The following NFIB variants were observed in gnomAD, a reference collection of about 807,000 sequenced individuals.
NFIB encodes the protein nuclear factor I B, also known as nuclear factor 1 B-type.
Under a neutral mutation model 61.5 loss-of-function variants are expected in NFIB, and 11 were observed. The ratio of observed to expected loss-of-function variants is 0.18; its 90% confidence interval spans 0.11 to 0.30. NFIB has a LOEUF of 0.30. Ranked by LOEUF, NFIB falls within the 10% of genes least tolerant of loss-of-function variation. NFIB has a pLI of 1.00. For missense variants in NFIB, 471 were observed against 608.9 expected (o/e 0.77, Z 2.38); for synonymous variants, 260 against 216.5 (o/e 1.20, Z -1.76).
Position 14,086,378 on chromosome 9 carries a change from C to T in NFIB, c.*1931G>A, listed in dbSNP as rs2032868011. 1 of 216,762 alleles carries T rather than the reference C, an allele frequency of 4.6e-6. No individual in the cohort carries two copies. The allele number at this position is 216,762 out of a possible 1,614,324, so 13.4% of individuals were successfully genotyped here. ...ACAAACAAACAAACAAAAAAGCATACATTATTTTTTTTTTAAATCTGTGTA... is the reference window on the plus strand; with the variant it reads ...ACAAACAAACAAACAAAAAAGCATATATTATTTTTTTTTTAAATCTGTGTA... On this transcript the variant is annotated 3_prime_UTR_variant, in exon 11 of 11. Coordinates refer to ENST00000380953, the MANE Select transcript of NFIB (RefSeq NM_001190737.2).
chr9:14,470,539 T>C, the NFIB span, among the ~76,000 whole-genome samples: 1 of 152,180 alleles, frequency 6.6e-6, no homozygotes, highest in Admixed American at 6.5e-5. Context: ...ATCTCTGGAC[T>C]AATTAACAAT....
chr9:14,232,838 T>C (rs182455234), intron 2 of NFIB, among the ~76,000 whole-genome samples: 2 of 152,358 alleles, frequency 1.3e-5, no homozygotes, highest in East Asian at 1.9e-4. Context: ...GTTTTGCCTA[T>C]GTACTATAGT....
the NFIB span, among the ~76,000 whole-genome samples, chr9:14,435,216 A>G: frequency 6.6e-6 from 1 of 152,218 alleles, no homozygotes; most frequent in Non-Finnish European, 1.5e-5. Context: ...GTGAAAGTTC[A>G]CCTGTGGCAA....
chr9:14,271,885 T>C (rs1283483913), intron 2 of NFIB, among the ~76,000 whole-genome samples: 1 of 152,166 alleles, frequency 6.6e-6, no homozygotes, highest in Non-Finnish European at 1.5e-5. Flanking sequence ...GAACTCTGGG[T>C]AGAGAATTTT....
intron 10 of NFIB, among the ~76,000 whole-genome samples, chr9:14,091,407 C>T (rs1002528643): frequency 1.3e-5 from 2 of 151,924 alleles, no homozygotes; most frequent in African/African-American, 4.8e-5. Flanking sequence ...GCTTTTTATA[C>T]ATCTAACTCT....
At chr9:14,153,133 T>C (rs773240188) in intron 4 of NFIB, among the ~76,000 whole-genome samples, 7 of 152,116 alleles carry the variant, frequency 4.6e-5, no homozygotes, top group African/African-American at 9.7e-5. Context: ...AGAGATCACA[T>C]GGATTCCATA....
intron 8 of NFIB, among the ~76,000 whole-genome samples, chr9:14,117,971 G>A (rs2038383654): frequency 6.6e-6 from 1 of 152,036 alleles, no homozygotes; most frequent in Admixed American, 6.6e-5. Context: ...GAAGTGAATG[G>A]TGAAGGAATA....
At chr9:14,424,196 T>C in the NFIB span, among the ~76,000 whole-genome samples, 38 of 152,260 alleles carry the variant, frequency 2.5e-4, 1 homozygote, top group East Asian at 7.2e-3. Flanking sequence ...AGATGGGAAA[T>C]GAATCAGATA....
chr9:14,165,754 C>T (rs547841991), intron 3 of NFIB, among the ~76,000 whole-genome samples: 27 of 152,218 alleles, frequency 1.8e-4, no homozygotes, highest in Non-Finnish European at 4.0e-4. Flanking sequence ...AAGCCAGTCA[C>T]AAAAAGACAA....
intron 1 of NFIB, among the ~76,000 whole-genome samples, chr9:14,323,763 T>A (rs942932120): frequency 6.6e-6 from 1 of 152,242 alleles, no homozygotes; most frequent in Non-Finnish European, 1.5e-5. Flanking sequence ...ATTGTTCGGG[T>A]TCATACCTCC....
chr9:14,281,850 GT>G (rs141780103), intron 2 of NFIB, among the ~76,000 whole-genome samples: 3 of 151,772 alleles, frequency 2.0e-5, no homozygotes, highest in Admixed American at 6.6e-5. Context: ...CCCCACACGT[GT>G]TTTTTTTAGG....
intron 1 of NFIB, among the ~76,000 whole-genome samples, chr9:14,379,965 G>T (rs1189929184): frequency 1.3e-5 from 2 of 149,648 alleles, no homozygotes; most frequent in African/African-American, 4.9e-5. Context: ...TTACAGGTGT[G>T]AGCCACCGCA....
intron 2 of NFIB, among the ~76,000 whole-genome samples, chr9:14,195,924 T>A (rs1389301045): frequency 2.0e-5 from 3 of 152,018 alleles, no homozygotes; most frequent in Non-Finnish European, 4.4e-5. Context: ...AAATGCATAA[T>A]AATAAAATAA....
chr9:14,187,674 C>T (rs1342453889), intron 2 of NFIB, among the ~76,000 whole-genome samples: 1 of 152,074 alleles, frequency 6.6e-6, no homozygotes, highest in Non-Finnish European at 1.5e-5. Context: ...TACAAAGAGT[C>T]ATATCCCAAG....
intron 1 of NFIB, among the ~76,000 whole-genome samples, chr9:14,324,216 G>C (rs2060725425): frequency 1.3e-5 from 2 of 152,126 alleles, no homozygotes; most frequent in African/African-American, 4.8e-5. Flanking sequence ...GTAACAAACA[G>C]ATCTGTTTTC....
At chr9:14,267,385 C>T (rs1276260646) in intron 2 of NFIB, among the ~76,000 whole-genome samples, 5 of 152,122 alleles carry the variant, frequency 3.3e-5, no homozygotes, top group Admixed American at 6.5e-5. Context: ...GAAAGGTTAA[C>T]CTGTCCCTGA....
At chr9:14,275,104 G>A (rs575331323) in intron 2 of NFIB, among the ~76,000 whole-genome samples, 2 of 152,228 alleles carry the variant, frequency 1.3e-5, no homozygotes, top group East Asian at 1.9e-4. Context: ...ATTTGCCCAC[G>A]TCCCAGTGTA....
intron 2 of NFIB, among the ~76,000 whole-genome samples, chr9:14,207,439 G>A (rs2049857769): frequency 6.6e-6 from 1 of 152,208 alleles, no homozygotes; most frequent in African/African-American, 2.4e-5. Context: ...GTTGTGGTTT[G>A]GTAATGTGTA....
At chr9:14,497,713 T>A in the NFIB span, among the ~76,000 whole-genome samples, 1 of 152,244 alleles carries the variant, frequency 6.6e-6, no homozygotes, top group Non-Finnish European at 1.5e-5. Flanking sequence ...CCTGGAGAGC[T>A]GTCTATAACC....
Sources: gnomAD v4.1 joint callset for allele counts (sites outside exome capture counted in the v4.1 genomes callset) on GRCh38, gnomAD v4.1.1 for gene constraint, MANE v1.5 for transcripts, NCBI Gene and HGNC (gene_info 2026-07-23, HGNC 2026-07-21) for gene names.